DHX37: variants seen among roughly 807,000 people sequenced by gnomAD.
DHX37 encodes DEAH-box helicase 37, also known as probable ATP-dependent RNA helicase DHX37.
DHX37 carries 52 observed loss-of-function variants against 134.3 expected under a neutral mutation model. The observed-to-expected ratio is 0.39, with a 90% CI of 0.31 to 0.49. DHX37 has a LOEUF of 0.49. Among genes scored for constraint, DHX37 ranks in the 20% least tolerant of loss-of-function variants. The probability of loss-of-function intolerance (pLI) is 0.93; values close to 1 mark genes in which losing one functional copy is unlikely to be tolerated. For missense variants in DHX37, 1,344 were observed against 1,580.8 expected (o/e 0.85, Z 2.54); for synonymous variants, 634 against 670.7 (o/e 0.95, Z 0.85).
At chr12:124,968,766 T>C (rs1954452262) in intron 9 of DHX37, 101 bp downstream of exon 9, 2 of 1,596,736 alleles carry the variant, frequency 1.3e-6, no homozygotes, top group African/African-American at 2.7e-5. Context: ...CAAGCTGCTG[T>C]CAATCCCCCC....
chr12:124,982,614 T>C lies in DHX37; in HGVS notation c.286A>G (p.Met96Val), dbSNP rs769198286. ...QKEKKSQRAE[M>V]LQKLSEVQAS... ...TGGACTTCACTCAGCTTCTGTAGCA[T>C]CTCTGCTCGCTGGGAAAGGAAACGA... Residue 96 changes from methionine to valine, a missense_variant, in exon 3 of 27, where the codon ATG (methionine) becomes GTG (valine). By Grantham distance (21) the Met-to-Val change is conservative. Transcript: ENST00000308736. The C allele has an allele frequency of 3.1e-6, 5 of 1,613,320 alleles. No homozygotes were observed. The highest frequency in any genetic ancestry group is 3.4e-6 in the Non-Finnish European group (4 of 1,179,580).
Position 124,980,486 on chromosome 12 carries a change from G to C in DHX37, c.738+4C>G, listed in dbSNP as rs4072888. On this transcript the variant is annotated splice_donor_region_variant and intron_variant, in intron 4 of 26. Coordinates refer to ENST00000308736, the MANE Select transcript of DHX37 (RefSeq NM_032656.4). The surrounding 1 kb of genome is among the most constrained non-coding windows in gnomAD (Gnocchi z 5.3). ...TTCTTAATCACAAACACGGGGTGGC[G>C]AACCTGCATTTCCGGGGAGCGGTTC... 4.4e-6 allele frequency: 7 copies of C among 1,605,918 alleles called. No homozygotes were observed. The African/African-American group carries it at 5.4e-5, about 12-fold the overall frequency.
chr12:124,950,361 A>G, intron 23 of DHX37, 52 bp downstream of exon 23: 1 of 1,594,168 alleles, frequency 6.3e-7, no homozygotes, highest in Non-Finnish European at 8.5e-7. Context: ...TGTGTCCGAG[A>G]AGCCCACGGC....
chr12:124,978,377 G>A (rs749549236), intron 4 of DHX37, among the ~76,000 whole-genome samples: 5 of 151,274 alleles, frequency 3.3e-5, no homozygotes, highest in Non-Finnish European at 7.4e-5. Context: ...GAGTGCAATA[G>A]TGTGATCTTG....
intron 3 of DHX37, among the ~76,000 whole-genome samples, chr12:124,981,465 C>T (rs754766233): frequency 1.3e-5 from 2 of 152,142 alleles, no homozygotes; most frequent in Non-Finnish European, 2.9e-5. Flanking sequence ...AACATGAATT[C>T]ACCTTGTCGC....
intron 16 of DHX37, among the ~76,000 whole-genome samples, chr12:124,957,535 C>T (rs1954123406): frequency 6.6e-6 from 1 of 152,210 alleles, no homozygotes; most frequent in Non-Finnish European, 1.5e-5. Context: ...CCTGTAATCC[C>T]AGCACTTTGG....
intron 9 of DHX37, 54 bp from the exon 10 acceptor site, chr12:124,968,702 A>G (rs1954451046): frequency 3.7e-6 from 6 of 1,612,418 alleles, no homozygotes; most frequent in Non-Finnish European, 5.1e-6. Context: ...GCTTCGGCCC[A>G]GGGCTGCCTT....
Position 124,968,967 on chromosome 12 carries a change from C to T in DHX37, c.1193G>A (p.Arg398Lys), listed in dbSNP as rs1954459726. 2 of 1,613,378 alleles carry T rather than the reference C, an allele frequency of 1.2e-6. No individual in the cohort carries two copies. The highest frequency in any genetic ancestry group is 8.5e-7 in the Non-Finnish European group (1 of 1,179,802). The change falls in exon 9 of 27, where the codon AGG becomes AAG. Residue 398 changes from arginine to lysine, a missense_variant and splice_region_variant. Physicochemically the swap from Arg to Lys is conservative, Grantham distance 26. Transcript: ENST00000308736. ...GATGAGCAGCTTGAGTGGCAGGTTC[C>T]TCTGCAAAAGGACAGGCTCAGTGAC... ...LSRIVTLRAK[R>K]NLPLKLLIMS...
At chr12:124,951,147 G>A (rs1158941159) in intron 21 of DHX37, among the ~76,000 whole-genome samples, 1 of 152,148 alleles carries the variant, frequency 6.6e-6, no homozygotes, top group African/African-American at 2.4e-5. Context: ...TGGGCATGGT[G>A]GCACACACCT....
rs756515413 is a variant in DHX37, at chr12:124,965,052, C to A, written c.1736-46G>T. ...ACTGGCACCCAGGCCGGGACAGATG[C>A]CCACAGGCAGGAGCTGGCCACAGCG... On this transcript the variant is annotated intron_variant, in intron 13 of 26. Transcript: ENST00000308736. 2.6e-6 allele frequency: 4 copies of A among 1,563,022 alleles called. No individual in the cohort carries two copies. The South Asian group carries it at 4.7e-5, about 18-fold the overall frequency.
At chr12:124,977,134 A>G (rs988260892) in intron 5 of DHX37, among the ~76,000 whole-genome samples, 5 of 152,276 alleles carry the variant, frequency 3.3e-5, no homozygotes, top group Admixed American at 2.6e-4. Context: ...TCACTCACTT[A>G]ATCCACACGA....
At position 124,980,550 on chromosome 12, in the gene DHX37, C is replaced by T; in HGVS notation, c.678G>A (p.Leu226=). Residue 226 remains leucine, a synonymous_variant, in exon 4 of 27, where the codon CTG becomes CTA. Coordinates refer to ENST00000308736, the MANE Select transcript of DHX37 (RefSeq NM_032656.4). The surrounding 1 kb of genome is among the most constrained non-coding windows in gnomAD (Gnocchi z 5.3). ...VPPPPAAAPP[L]PRALAKPAVF... ...CGGCGGGCTTAGCCAGGGCCCTGGG[C>T]AGTGGTGGGGCTGCAGCTGGAGGAG... The T allele has an allele frequency of 6.2e-7, 1 of 1,612,412 alleles. No homozygotes were observed. Among genetic ancestry groups the T allele is most frequent in the Non-Finnish European group, 8.5e-7 (1 of 1,179,810 alleles).
In DHX37 at chr12:124,980,493, C is replaced by T; in HGVS notation, c.735G>A (p.Met245Ile). 1 of 1,607,262 alleles carries T rather than the reference C, an allele frequency of 6.2e-7. No homozygotes were observed. Among genetic ancestry groups the T allele is most frequent in the Non-Finnish European group, 8.5e-7 (1 of 1,178,260 alleles). The part of the protein sequence containing the change: ...VFIPVNRSPE[M>I]QEERLKLPIL... ...TCACAAACACGGGGTGGCGAACCTG[C>T]ATTTCCGGGGAGCGGTTCACGGGGA... is the stretch of plus-strand genomic sequence containing the variant. Residue 245 changes from methionine to isoleucine, a missense_variant, in exon 4 of 27, where the codon ATG becomes ATA. Met to Ile is a conservative substitution (Grantham distance 10). Coordinates refer to ENST00000308736, the MANE Select transcript of DHX37 (RefSeq NM_032656.4). The surrounding 1 kb of genome is among the most constrained non-coding windows in gnomAD (Gnocchi z 5.3).
At chr12:124,988,080 G>A (rs1954909014) in intron 1 of DHX37, among the ~76,000 whole-genome samples, 3 of 140,898 alleles carry the variant, frequency 2.1e-5, no homozygotes, top group Non-Finnish European at 3.0e-5. Context: ...TGCAACCTCC[G>A]TATCCTGGGT....
chr12:124,956,324 A>G (rs1954093071), intron 18 of DHX37, among the ~76,000 whole-genome samples: 1 of 152,158 alleles, frequency 6.6e-6, no homozygotes, highest in African/African-American at 2.4e-5. Flanking sequence ...GACCCCTTTT[A>G]TCATTAAGCT....
chr12:124,960,414 T>C lies in DHX37; in HGVS notation c.2055A>G (p.Ser685=), dbSNP rs1465955620. The part of the protein sequence containing the change: ...TEPGHCYRLY[S]SAVFGDFEQF... ...GCTCGAAGTCACCAAAAACCGCAGATGAATACAGCCTGGATGGAGAGAAAC... is the reference window on the plus strand; with the variant it reads ...GCTCGAAGTCACCAAAAACCGCAGACGAATACAGCCTGGATGGAGAGAAAC... Residue 685 remains serine (S), a synonymous_variant, in exon 16 of 27, where the codon TCA becomes TCG. Transcript: ENST00000308736. 2.5e-6 allele frequency: 4 copies of C among 1,608,698 alleles called. No homozygotes were observed. Among genetic ancestry groups the C allele is most frequent in the East Asian group, 4.5e-5 (2 of 44,866 alleles).
chr12:124,953,687 GT>G lies in DHX37; in HGVS notation c.2695+192del. 4.9e-6 allele frequency: 5 copies of G among 1,020,224 alleles called. No homozygotes were observed. The South Asian group carries it at 8.6e-5, about 18-fold the overall frequency. The allele number at this position is 1,020,224 out of a possible 1,614,324, so 63.2% of individuals were successfully genotyped here. On this transcript the variant is annotated intron_variant, in intron 20 of 26. Transcript: ENST00000308736. The stretch of plus-strand genomic sequence containing the variant: ...GGGTGCAGGCTGGCAGCTCGAATCT[GT>G]TAGTGCCCTGCTCATGTGCACATTC...
intron 20 of DHX37, chr12:124,952,773 T>C (rs948606677): frequency 1.6e-5 from 7 of 427,436 alleles, no homozygotes; most frequent in Non-Finnish European, 2.8e-5. Context: ...CCTTCTCCCT[T>C]GGGACAAAGC....
chr12:124,964,907 G>A, intron 14 of DHX37, 23 bp downstream of exon 14: 1 of 1,573,864 alleles, frequency 6.4e-7, no homozygotes, highest in Non-Finnish European at 8.6e-7. Flanking sequence ...CCCAAAAGCT[G>A]GGCACCGGCC....
Sources: gnomAD v4.1 joint callset for allele counts (sites outside exome capture counted in the v4.1 genomes callset) on GRCh38, gnomAD v4.1.1 for gene constraint, Gnocchi (gnomAD v3.1) non-coding constraint, MANE v1.5 for transcripts, NCBI Gene and HGNC (gene_info 2026-07-23, HGNC 2026-07-21) for gene names.